The following LMBR1 variants were observed in gnomAD, a reference collection of about 807,000 sequenced individuals.
LMBR1 encodes limb development membrane protein 1, also known as limb region 1 protein homolog.
A neutral mutation model predicts 73.9 loss-of-function variants in LMBR1; 52 were observed. The observed-to-expected ratio is 0.70, with a 90% CI of 0.56 to 0.89. LMBR1 has a LOEUF of 0.89. Among genes scored for constraint, LMBR1 ranks in the 40% least tolerant of loss-of-function variants. The pLI is 0.00. For synonymous variants in LMBR1, 215 were observed against 209.4 expected (o/e 1.03, Z -0.23); for missense variants, 539 against 579.8 (o/e 0.93, Z 0.72).
chr7:156,889,652 G>C (rs150025942), intron 1 of LMBR1, among the ~76,000 whole-genome samples: 1 of 152,092 alleles, frequency 6.6e-6, no homozygotes, highest in African/African-American at 2.4e-5. Context: ...CTCCATAATC[G>C]GTACCAAAAC....
chr7:156,703,286 T>A (rs1258719257), intron 15 of LMBR1, among the ~76,000 whole-genome samples: 1 of 152,168 alleles, frequency 6.6e-6, no homozygotes, highest in Non-Finnish European at 1.5e-5. Context: ...GAAAAGAGGC[T>A]TGAGTAGGGG....
chr7:156,727,470 C>G (rs192636063), intron 12 of LMBR1, among the ~76,000 whole-genome samples: 73 of 152,202 alleles, frequency 4.8e-4, no homozygotes, highest in African/African-American at 1.4e-3. Context: ...TAAGACTGTA[C>G]ATGGCAAAGG....
chr7:156,677,588 G>C (rs980619209), downstream of LMBR1, among the ~76,000 whole-genome samples: 14 of 152,320 alleles, frequency 9.2e-5, no homozygotes, highest in Non-Finnish European at 1.2e-4. Flanking sequence ...GTAGGCCTAA[G>C]AGGAAGAGGC....
chr7:156,870,360 T>A (rs1799089616), intron 1 of LMBR1, among the ~76,000 whole-genome samples: 1 of 152,198 alleles, frequency 6.6e-6, no homozygotes. Context: ...TCATACTAAG[T>A]GTATTTTCTG....
intron 5 of LMBR1, among the ~76,000 whole-genome samples, chr7:156,788,904 C>T (rs1421036375): frequency 1.3e-5 from 2 of 152,068 alleles, no homozygotes; most frequent in African/African-American, 2.4e-5. Flanking sequence ...AAAAATTAGC[C>T]GGGCGTGGTG....
chr7:156,888,897 T>C (rs753830179), intron 1 of LMBR1, among the ~76,000 whole-genome samples: 18 of 151,652 alleles, frequency 1.2e-4, no homozygotes, highest in Non-Finnish European at 2.5e-4. Flanking sequence ...CTACTAAAAA[T>C]ACAAAAATTA....
chr7:156,752,264 A>T (rs182576816), intron 9 of LMBR1, among the ~76,000 whole-genome samples: 13 of 152,372 alleles, frequency 8.5e-5, no homozygotes, highest in Non-Finnish European at 1.5e-4. Flanking sequence ...CCATGAGCAC[A>T]CAACTCTTGT....
At chr7:156,779,166 TTATGTCA>T (rs1483848283) in intron 5 of LMBR1, among the ~76,000 whole-genome samples, 1 of 152,214 alleles carries the variant, frequency 6.6e-6, no homozygotes, top group Admixed American at 6.5e-5. Context: ...AATGCTTAGA[TTATGTCA>T]TATATCACCA....
intron 1 of LMBR1, among the ~76,000 whole-genome samples, chr7:156,882,179 T>C (rs139301472): frequency 2.6e-5 from 4 of 152,220 alleles, no homozygotes; most frequent in African/African-American, 4.8e-5. Context: ...TGATGGCTCA[T>C]GCCTATAATC....
intron 5 of LMBR1, among the ~76,000 whole-genome samples, chr7:156,773,408 A>T (rs1056728282): frequency 2.6e-5 from 4 of 152,178 alleles, no homozygotes; most frequent in African/African-American, 9.7e-5. Context: ...AAGAAGAACA[A>T]AGCTGGAGGT....
intron 1 of LMBR1, among the ~76,000 whole-genome samples, chr7:156,847,589 A>G (rs1795666942): frequency 6.6e-6 from 1 of 152,202 alleles, no homozygotes; most frequent in Admixed American, 6.5e-5. Context: ...TGAAAGTTCA[A>G]CCACAAGAAA....
chr7:156,870,926 A>G (rs1444679753), intron 1 of LMBR1, among the ~76,000 whole-genome samples: 2 of 152,080 alleles, frequency 1.3e-5, no homozygotes, highest in African/African-American at 4.8e-5. Context: ...TAGAAAACTA[A>G]GCCCAAAGTT....
rs771506323 is a variant in LMBR1 at position 156,826,660 on chromosome 7, C to G, written c.264G>C (p.Leu88=). 6.2e-7 allele frequency: 1 copy of G among 1,605,588 alleles called. No homozygotes were observed. Among genetic ancestry groups the G allele is most frequent in the Non-Finnish European group, 8.5e-7 (1 of 1,175,338 alleles). The change falls in exon 4 of 17, where the codon CTG becomes CTC. Residue 88 remains leucine (L), a synonymous_variant. Coordinates refer to ENST00000353442, the MANE Select transcript of LMBR1 (RefSeq NM_022458.4). ...LPFSIISNEI[L]LSFPQNYYIQ... is the part of the protein sequence containing the mutation. ...TATAGTAGTTCTGAGGAAAAGAAAG[C>G]AGGATTTCATTGCTGATGATTGAGA...
At chr7:156,733,340 C>T (rs999172511) in intron 10 of LMBR1, among the ~76,000 whole-genome samples, 10 of 151,984 alleles carry the variant, frequency 6.6e-5, no homozygotes, top group African/African-American at 2.4e-4. Flanking sequence ...AGAACTAACA[C>T]AAATGTTAGA....
At chr7:156,849,671 G>A (rs1387989623) in intron 1 of LMBR1, among the ~76,000 whole-genome samples, 1 of 152,162 alleles carries the variant, frequency 6.6e-6, no homozygotes, top group Non-Finnish European at 1.5e-5. Flanking sequence ...TGTTGCCAGG[G>A]GTTGAGGGGA....
intron 9 of LMBR1, among the ~76,000 whole-genome samples, chr7:156,750,524 T>C (rs1450137028): frequency 1.3e-5 from 2 of 152,128 alleles, no homozygotes; most frequent in African/African-American, 2.4e-5. Context: ...CCTCTCAACG[T>C]TGGTGTGTCC....
chr7:156,850,741 T>C (rs1020671802), intron 1 of LMBR1, among the ~76,000 whole-genome samples: 3 of 152,238 alleles, frequency 2.0e-5, no homozygotes, highest in Non-Finnish European at 2.9e-5. Flanking sequence ...CAAGGATGTA[T>C]ATATAAAGAT....
At chr7:156,758,146 G>C (rs1001149113) in intron 8 of LMBR1, among the ~76,000 whole-genome samples, 3 of 152,190 alleles carry the variant, frequency 2.0e-5, no homozygotes, top group African/African-American at 7.2e-5. Context: ...CGAGGAGAAA[G>C]AGTGGTACAC....
At chr7:156,824,309 C>T (rs543924964) in intron 4 of LMBR1, among the ~76,000 whole-genome samples, 4 of 152,160 alleles carry the variant, frequency 2.6e-5, no homozygotes, top group East Asian at 3.9e-4. Flanking sequence ...CAGAAGCTTA[C>T]GGGATTGCTA....
Sources: gnomAD v4.1 joint callset for allele counts (sites outside exome capture counted in the v4.1 genomes callset) on GRCh38, gnomAD v4.1.1 for gene constraint, MANE v1.5 for transcripts, NCBI Gene and HGNC (gene_info 2026-07-23, HGNC 2026-07-21) for gene names.